The following RUSF1 variants were observed in gnomAD, a reference collection of about 807,000 sequenced individuals.
RUSF1 encodes RUS1 family protein C16orf58.
RUSF1 carries 58 observed loss-of-function variants against 63.0 expected under a neutral mutation model. That is an observed-to-expected ratio of 0.92 (90% confidence interval 0.75 to 1.15). RUSF1 has a LOEUF of 1.15. Ranked by LOEUF, RUSF1 falls within the 50% of genes most tolerant of loss-of-function variation. The pLI is 0.00. For synonymous variants in RUSF1, 274 were observed against 255.8 expected (o/e 1.07, Z -0.68); for missense variants, 652 against 611.0 (o/e 1.07, Z -0.71).
chr16:31,499,557 A>G (rs754781725), intron 3 of RUSF1, 32 bp from the exon 4 acceptor site: 22 of 1,571,660 alleles, frequency 1.4e-5, no homozygotes, highest in Non-Finnish European at 1.6e-5. Flanking sequence ...TGTAATTTGG[A>G]CTTAAGGAGA....
rs746673665 is a variant in RUSF1 at position 31,492,202 on chromosome 16, C to T, written c.1226G>A (p.Arg409Gln). 1.6e-5 allele frequency: 26 copies of T among 1,609,762 alleles called. No homozygotes were observed. Among genetic ancestry groups the T allele is most frequent in the East Asian group, 6.7e-5 (3 of 44,780 alleles). The change falls in exon 11 of 13, where the codon CGG becomes CAG. Residue 409 changes from arginine to glutamine, a missense_variant. Physicochemically the swap from Arg to Gln is conservative, Grantham distance 43. Transcript: ENST00000327237. ...CTAAATCTTGAGGCACTTACCTGCCCGCACCCGGTTCCTCAGCTCCTCCAG... is the reference window on the plus strand; with the variant it reads ...CTAAATCTTGAGGCACTTACCTGCCTGCACCCGGTTCCTCAGCTCCTCCAG... The part of the protein sequence containing the change: ...AELEELRNRV[R>Q]AGPKKESWVV...
At position 31,493,064 on chromosome 16, in the gene RUSF1, C is replaced by T. The variant is rs775391662; in HGVS notation, c.1017-16G>A. On this transcript the variant is annotated splice_polypyrimidine_tract_variant and intron_variant, in intron 9 of 12. Transcript: ENST00000327237. ...CTCAAAGACACTGTGGGGGAGAGGA[C>T]AGTGCAGTGGGGGTGGAGGACAGCA... is the stretch of plus-strand genomic sequence containing the variant. The T allele has an allele frequency of 6.2e-6, 10 of 1,612,950 alleles. No homozygotes were observed. The African/African-American group carries it at 1.3e-4, about 22-fold the overall frequency.
intron 5 of RUSF1, among the ~76,000 whole-genome samples, chr16:31,497,525 C>CAA (rs1381726365): frequency 6.6e-6 from 1 of 152,228 alleles, no homozygotes; most frequent in Non-Finnish European, 1.5e-5. Context: ...TGAATACAGA[C>CAA]AGAGTCTCCC....
At chr16:31,494,584 C>T (rs1328321468) in intron 6 of RUSF1, among the ~76,000 whole-genome samples, 1 of 152,042 alleles carries the variant, frequency 6.6e-6, no homozygotes, top group Non-Finnish European at 1.5e-5. Context: ...CACAGTGATA[C>T]CCTGTCTAAA....
Position 31,490,871 on chromosome 16 carries a change from G to A in RUSF1, c.1371C>T (p.Ala457=), listed in dbSNP as rs150158274. ...KHQLEVDEWR[A]TWLLSPEKKV... is the part of the protein sequence containing the mutation. ...TCTTTTCGGGAGACAGAAGCCATGT[G>A]GCCCTCCACTCATCCACCTCTAGCT... The change falls in exon 13 of 13, where the codon GCC becomes GCT. Residue 457 remains alanine, a synonymous_variant. Coordinates refer to ENST00000327237, the MANE Select transcript of RUSF1 (RefSeq NM_022744.4). 1.4e-4 allele frequency: 229 copies of A among 1,614,050 alleles called. No individual in the cohort carries two copies. Among genetic ancestry groups the A allele is most frequent in the Non-Finnish European group, 1.9e-4 (222 of 1,180,042 alleles).
rs2082553888 is a variant in RUSF1 at position 31,490,398 on chromosome 16, C to A, written c.*437G>T. On this transcript the variant is annotated 3_prime_UTR_variant, in exon 13 of 13. Transcript: ENST00000327237. Reference sequence around the variant, plus strand: ...AGGTGGGGTGGGCAGTCCTCCGCCCCTTACCCAGGAGGAGGCAGCGGCAGC... The same window carrying A: ...AGGTGGGGTGGGCAGTCCTCCGCCCATTACCCAGGAGGAGGCAGCGGCAGC... The A allele has an allele frequency of 6.2e-7, 1 of 1,613,622 alleles. No individual in the cohort carries two copies. The highest frequency in any genetic ancestry group is 8.5e-7 in the Non-Finnish European group (1 of 1,179,882).
chr16:31,491,775 A>C (rs1157107836), intron 12 of RUSF1, among the ~76,000 whole-genome samples: 1 of 151,678 alleles, frequency 6.6e-6, no homozygotes, highest in Non-Finnish European at 1.5e-5. Context: ...ACACCTGGCT[A>C]ATTTTTGTGT....
chr16:31,501,104 C>A (rs933019820), intron 2 of RUSF1, among the ~76,000 whole-genome samples: 2 of 152,192 alleles, frequency 1.3e-5, no homozygotes, highest in African/African-American at 4.8e-5. Flanking sequence ...ATGAAGACCA[C>A]ATACAGCACA....
chr16:31,505,718 T>G (rs771544330), intron 2 of RUSF1, among the ~76,000 whole-genome samples: 53 of 152,154 alleles, frequency 3.5e-4, no homozygotes, highest in Non-Finnish European at 7.5e-4. Context: ...AAGAGAGACT[T>G]CTAAGATAGA....
chr16:31,498,836 C>G (rs1254600427), intron 5 of RUSF1, among the ~76,000 whole-genome samples: 1 of 152,202 alleles, frequency 6.6e-6, no homozygotes, highest in Admixed American at 6.5e-5. Context: ...CCTGACCAGG[C>G]TGGAATCCCC....
intron 2 of RUSF1, among the ~76,000 whole-genome samples, chr16:31,505,434 C>G (rs2082653872): frequency 6.6e-6 from 1 of 152,016 alleles, no homozygotes; most frequent in Non-Finnish European, 1.5e-5. Flanking sequence ...TCCCCTGGGC[C>G]CACTGTTCTT....
intron 2 of RUSF1, among the ~76,000 whole-genome samples, chr16:31,505,357 T>C (rs1229144616): frequency 6.6e-6 from 1 of 152,042 alleles, no homozygotes; most frequent in Non-Finnish European, 1.5e-5. Context: ...ATAGTGAAAA[T>C]AGTAATCAAT....
rs1211458084 is a variant in RUSF1, at chr16:31,507,802, G to C, written c.377C>G (p.Ala126Gly). Residue 126 changes from alanine (A) to glycine (G), a missense_variant, in exon 2 of 13, where the codon GCC becomes GGC. Ala to Gly is a moderately conservative substitution (Grantham distance 60). Coordinates refer to ENST00000327237, the MANE Select transcript of RUSF1 (RefSeq NM_022744.4). ...LLGIGVGNAK[A>G]TVSAATATWL... ...GGTGGCCGTGGCAGCTGAAACAGTG[G>C]CTTTTGCGTTCCCCACCCCTATGCC... The C allele has an allele frequency of 6.3e-7, 1 of 1,577,492 alleles. No homozygotes were observed. Among genetic ancestry groups the C allele is most frequent in the Non-Finnish European group, 8.6e-7 (1 of 1,161,218 alleles).
At chr16:31,499,230 C>T in intron 5 of RUSF1, 72 bp downstream of exon 5, 4 of 1,362,454 alleles carry the variant, frequency 2.9e-6, no homozygotes, top group Admixed American at 1.7e-5. Context: ...GGTAAACTCA[C>T]AGAGCCCAGG....
At position 31,490,894 on chromosome 16, in the gene RUSF1, G is replaced by A. The variant is rs1312523529; in HGVS notation, c.1348C>T (p.Leu450=). 1.2e-6 allele frequency: 2 copies of A among 1,614,144 alleles called. No individual in the cohort carries two copies. Among genetic ancestry groups the A allele is most frequent in the Admixed American group, 3.3e-5 (2 of 60,024 alleles). ...DAGWKTEKHQ[L]EVDEWRATWL... is the part of the protein sequence containing the mutation. Reference sequence around the variant, plus strand: ...GTGGCCCTCCACTCATCCACCTCTAGCTGGTGCTTCTCGGTCTTCCAGCCG... The same window carrying A: ...GTGGCCCTCCACTCATCCACCTCTAACTGGTGCTTCTCGGTCTTCCAGCCG... Residue 450 remains leucine (L), a synonymous_variant, in exon 13 of 13, where the codon CTA becomes TTA. Coordinates refer to ENST00000327237, the MANE Select transcript of RUSF1 (RefSeq NM_022744.4).
chr16:31,494,917 C>A (rs1157810872), intron 6 of RUSF1, among the ~76,000 whole-genome samples: 2 of 152,110 alleles, frequency 1.3e-5, no homozygotes, highest in Admixed American at 6.5e-5. Context: ...CTCAAGCAAT[C>A]CCCACCTCAG....
intron 5 of RUSF1, among the ~76,000 whole-genome samples, chr16:31,498,325 T>C (rs1002946069): frequency 2.0e-5 from 3 of 152,152 alleles, no homozygotes; most frequent in African/African-American, 7.2e-5. Flanking sequence ...CCTCGGTCCA[T>C]AGCTACAGCC....
At chr16:31,507,702 A>AAG in intron 2 of RUSF1, 62 bp downstream of exon 2, 1 of 1,453,458 alleles carries the variant, frequency 6.9e-7, no homozygotes, top group East Asian at 2.5e-5. Flanking sequence ...ATATACACAT[A>AAG]AGAGCCCAGC....
intron 2 of RUSF1, 89 bp from the exon 3 acceptor site, chr16:31,500,820 A>C: frequency 7.4e-7 from 1 of 1,356,522 alleles, no homozygotes; most frequent in Non-Finnish European, 1.0e-6. Context: ...TGGCCAATTC[A>C]CTGAGTCACT....
Sources: allele counts gnomAD v4.1 joint callset (sites outside exome capture counted in the v4.1 genomes callset), GRCh38; gene constraint gnomAD v4.1.1; transcripts MANE v1.5; gene names NCBI Gene and HGNC (gene_info 2026-07-23, HGNC 2026-07-21).